Variants in DCDC1 observed in about 807,000 individuals in gnomAD.
The protein encoded by DCDC1 is doublecortin domain-containing protein 1.
A neutral mutation model predicts 178.3 loss-of-function variants in DCDC1; 200 were observed. The ratio of observed to expected loss-of-function variants is 1.12; its 90% CI spans 1.00 to 1.26. The LOEUF (loss-of-function observed/expected upper bound fraction) is 1.26, where lower values mean the gene tolerates loss of function less well. Ranked by LOEUF, DCDC1 falls within the 50% of genes most tolerant of loss-of-function variation. The pLI is 0.00. For synonymous variants in DCDC1, 690 were observed against 604.8 expected, an observed-to-expected ratio of 1.14 and a Z score of -2.07; for missense variants, 1,983 against 1,749.2, an observed-to-expected ratio of 1.13 and a Z score of -2.38.
intron 7 of DCDC1, among the ~76,000 whole-genome samples, chr11:31,270,299 C>G (rs2137157599): frequency 6.6e-6 from 1 of 152,304 alleles, no homozygotes; most frequent in East Asian, 1.9e-4. Context: ...CATAAAGTTT[C>G]TTGTAAAACA....
chr11:30,898,718 T>C (rs1263056873), intron 34 of DCDC1, among the ~76,000 whole-genome samples: 1 of 152,182 alleles, frequency 6.6e-6, no homozygotes, highest in Non-Finnish European at 1.5e-5. Flanking sequence ...CTTCTTTTGG[T>C]AAGAACTGGG....
chr11:30,911,010 C>A (rs976700033), intron 28 of DCDC1, among the ~76,000 whole-genome samples: 5 of 152,278 alleles, frequency 3.3e-5, no homozygotes, highest in African/African-American at 1.2e-4. Flanking sequence ...CACCTGCCTG[C>A]AGCCACCACT....
intron 20 of DCDC1, among the ~76,000 whole-genome samples, chr11:31,004,203 C>A (rs768756729): frequency 3.3e-5 from 5 of 152,048 alleles, no homozygotes; most frequent in Non-Finnish European, 7.4e-5. Flanking sequence ...GTTTTATGCA[C>A]AAATGGAACC....
At chr11:30,890,464 A>G (rs1279714271) in intron 36 of DCDC1, among the ~76,000 whole-genome samples, 1 of 152,176 alleles carries the variant, frequency 6.6e-6, no homozygotes, top group African/African-American at 2.4e-5. Context: ...TCCTCTGTAG[A>G]GCCTTGTCTG....
intron 3 of DCDC1, chr11:31,314,510 C>A (rs550859713): frequency 3.9e-5 from 6 of 152,320 alleles, no homozygotes; most frequent in African/African-American, 1.4e-4. Context: ...TTCAGAATCT[C>A]ACAGAGCTGA....
intron 20 of DCDC1, among the ~76,000 whole-genome samples, chr11:30,965,654 G>A (rs2134624395): frequency 6.8e-6 from 1 of 147,082 alleles, no homozygotes; most frequent in South Asian, 2.2e-4. Flanking sequence ...ACATTGTGCA[G>A]GTTAGTTACA....
chr11:31,238,627 T>C (rs545569431), intron 9 of DCDC1, among the ~76,000 whole-genome samples: 8 of 152,046 alleles, frequency 5.3e-5, no homozygotes, highest in African/African-American at 1.7e-4. Flanking sequence ...CACCACTACA[T>C]AACAAGAATG....
intron 20 of DCDC1, among the ~76,000 whole-genome samples, chr11:30,994,321 C>T (rs939286428): frequency 3.3e-5 from 5 of 151,544 alleles, no homozygotes; most frequent in East Asian, 1.9e-4. Flanking sequence ...TTTTTCTTTC[C>T]GGAGACTCAC....
At chr11:31,009,869 G>A (rs290742) in intron 20 of DCDC1, among the ~76,000 whole-genome samples, 16,081 of 152,186 alleles carry the variant, frequency 0.11, 1,041 homozygotes, top group Admixed American at 0.18. Flanking sequence ...AAAGGCAAAA[G>A]AGAAGCAGGC....
intron 1 of DCDC1, among the ~76,000 whole-genome samples, chr11:31,366,054 C>T (rs1951942507): frequency 6.6e-6 from 1 of 152,132 alleles, no homozygotes; most frequent in Non-Finnish European, 1.5e-5. Context: ...CTTTCAGGCA[C>T]AACTATCTCA....
intron 20 of DCDC1, among the ~76,000 whole-genome samples, chr11:30,999,246 CTT>C (rs1488514597): frequency 3.3e-5 from 5 of 151,968 alleles, no homozygotes; most frequent in African/African-American, 7.2e-5. Flanking sequence ...CCTTATAAGT[CTT>C]TAGTTTGGTT....
chr11:31,093,046 T>G (rs1957911913), intron 16 of DCDC1, among the ~76,000 whole-genome samples: 1 of 152,202 alleles, frequency 6.6e-6, no homozygotes, highest in African/African-American at 2.4e-5. Flanking sequence ...ATGTAATGTC[T>G]GACATACAGT....
chr11:30,885,673 G>A (rs1034494477), intron 36 of DCDC1, among the ~76,000 whole-genome samples: 4 of 152,006 alleles, frequency 2.6e-5, no homozygotes, highest in Non-Finnish European at 4.4e-5. Context: ...TTTAAATTTT[G>A]TTGCAGTGCT....
intron 20 of DCDC1, among the ~76,000 whole-genome samples, chr11:31,021,382 A>T (rs1952871127): frequency 6.6e-6 from 1 of 152,220 alleles, no homozygotes; most frequent in Non-Finnish European, 1.5e-5. Flanking sequence ...CATACAACGG[A>T]ATAATATGCA....
At chr11:31,254,755 T>G (rs1944299728) in intron 8 of DCDC1, among the ~76,000 whole-genome samples, 1 of 152,138 alleles carries the variant, frequency 6.6e-6, no homozygotes, top group Non-Finnish European at 1.5e-5. Flanking sequence ...GGCAAATTGG[T>G]TCTGCTCCAT....
intron 7 of DCDC1, among the ~76,000 whole-genome samples, chr11:31,266,244 A>C (rs1468566915): frequency 6.6e-6 from 1 of 152,178 alleles, no homozygotes; most frequent in Non-Finnish European, 1.5e-5. Context: ...AATGGTTTCT[A>C]ATATGCACTC....
intron 30 of DCDC1, 78 bp downstream of exon 30, chr11:30,906,462 G>T: frequency 1.4e-6 from 2 of 1,425,138 alleles, no homozygotes; most frequent in Non-Finnish European, 9.5e-7. Context: ...GAACTTGAGT[G>T]CAAGGCAGAT....
chr11:31,302,818 G>A (rs1170687074), intron 6 of DCDC1, among the ~76,000 whole-genome samples: 1 of 152,100 alleles, frequency 6.6e-6, no homozygotes, highest in Non-Finnish European at 1.5e-5. Context: ...TTCTGTCTTA[G>A]TAAATCTGGA....
chr11:31,211,794 G>A (rs1972564546), intron 9 of DCDC1, among the ~76,000 whole-genome samples: 1 of 151,974 alleles, frequency 6.6e-6, no homozygotes. Context: ...TTAAAAAAAA[G>A]CTAAGCAGCC....
Sources: gnomAD v4.1 joint callset for allele counts (sites outside exome capture counted in the v4.1 genomes callset) on GRCh38, gnomAD v4.1.1 for gene constraint, MANE v1.5 for transcripts, NCBI Gene and HGNC (gene_info 2026-07-23, HGNC 2026-07-21) for gene names.